CHD2: variants seen among roughly 807,000 people sequenced by gnomAD.
CHD2 encodes the protein ATP-dependent chromatin remodeler CHD2.
Under a neutral mutation model 243.9 loss-of-function variants are expected in CHD2, and 28 were observed. The observed-to-expected ratio is 0.11, with a 90% CI of 0.09 to 0.16. The LOEUF is 0.16. CHD2 is among the 10% of genes least tolerant of loss of function. The probability of loss-of-function intolerance (pLI) is 1.00; values close to 1 mark genes in which losing one functional copy is unlikely to be tolerated. For missense variants in CHD2, 1,386 were observed against 2,209.8 expected (o/e 0.63, Z 7.47); for synonymous variants, 775 against 779.0 (o/e 0.99, Z 0.09).
intron 13 of CHD2, among the ~76,000 whole-genome samples, chr15:92,951,718 A>C (rs2053556703): frequency 6.6e-6 from 1 of 152,188 alleles, no homozygotes; most frequent in Non-Finnish European, 1.5e-5. Context: ...AAAGTGAGGG[A>C]AATAAGAAGG....
rs145021164 is a variant in CHD2 at position 93,025,614 on chromosome 15, C to G, written c.*909C>G. On this transcript the variant is annotated 3_prime_UTR_variant, in exon 39 of 39. Coordinates refer to ENST00000394196, the MANE Select transcript of CHD2 (RefSeq NM_001271.4). Reference sequence around the variant, plus strand: ...TGGAATCCCTGGTGGATTTCTGATTCCTGTGGTGAGAAGGAAAGCTACAGG... The same window carrying G: ...TGGAATCCCTGGTGGATTTCTGATTGCTGTGGTGAGAAGGAAAGCTACAGG... The G allele has an allele frequency of 1.0e-4, 16 of 152,532 alleles. No individual in the cohort carries two copies. The highest frequency in any genetic ancestry group is 3.1e-4 in the African/African-American group (13 of 41,502). The allele number at this position is 152,532 out of a possible 1,614,324, so 9.4% of individuals were successfully genotyped here.
chr15:92,971,068 A>T (rs2053834655), intron 17 of CHD2, among the ~76,000 whole-genome samples: 1 of 152,190 alleles, frequency 6.6e-6, no homozygotes, highest in Non-Finnish European at 1.5e-5. Context: ...TGGTATATTT[A>T]CATTTATTTA....
intron 6 of CHD2, 121 bp from the exon 7 acceptor site, chr15:92,939,457 T>A (rs1411650388): frequency 1.9e-6 from 2 of 1,067,240 alleles, no homozygotes; most frequent in Non-Finnish European, 2.6e-6. Context: ...ATGTTTAACA[T>A]TCCCCAAGTG....
chr15:92,965,273 T>C (rs1222482669), intron 16 of CHD2: 1 of 152,034 alleles, frequency 6.6e-6, no homozygotes, highest in Non-Finnish European at 1.5e-5. Context: ...AATCTGATAG[T>C]ATGCCGGGCG....
chr15:92,919,397 C>CTT (rs879772529), intron 2 of CHD2, among the ~76,000 whole-genome samples: 1 of 145,730 alleles, frequency 6.9e-6, no homozygotes, highest in African/African-American at 2.5e-5. Flanking sequence ...TTTAAAAACA[C>CTT]TTTTTTTTTT....
At chr15:92,904,636 A>G (rs1213919795) in intron 2 of CHD2, 1 of 1,242,870 alleles carries the variant, frequency 8.0e-7, no homozygotes, top group Non-Finnish European at 1.0e-6. Flanking sequence ...GGAATGGTTT[A>G]TCCTCTTTGA....
intron 16 of CHD2, among the ~76,000 whole-genome samples, chr15:92,964,357 A>C (rs2053728163): frequency 6.6e-6 from 1 of 152,206 alleles, no homozygotes; most frequent in Non-Finnish European, 1.5e-5. Context: ...ATTTGCCCTT[A>C]TTTCTGCCTG....
At position 92,955,455 on chromosome 15, in the gene CHD2, C is replaced by G; in HGVS notation, c.1752C>G (p.Thr584=). The G allele has an allele frequency of 6.3e-7, 1 of 1,595,904 alleles. No homozygotes were observed. The highest frequency in any genetic ancestry group is 1.1e-5 in the South Asian group (1 of 87,504). ...AATATGAATGGATTCATTCCCAAACCAAAAGATTGAAGTTCAACGCACTTA... is the reference window on the plus strand; with the variant it reads ...AATATGAATGGATTCATTCCCAAACGAAAAGATTGAAGTTCAACGCACTTA... ...IREYEWIHSQ[T]KRLKFNALIT... Residue 584 remains threonine, a synonymous_variant, in exon 15 of 39, where the codon ACC becomes ACG. Transcript: ENST00000394196.
At chr15:92,979,733 G>A (rs1054588706) in intron 22 of CHD2, among the ~76,000 whole-genome samples, 2 of 151,638 alleles carry the variant, frequency 1.3e-5, no homozygotes, top group Non-Finnish European at 2.9e-5. Context: ...AATTGGCTTT[G>A]GGAAGAGGCA....
intron 5 of CHD2, among the ~76,000 whole-genome samples, chr15:92,929,842 C>G (rs929019318): frequency 1.3e-5 from 2 of 151,964 alleles, no homozygotes; most frequent in Admixed American, 6.6e-5. Flanking sequence ...TACATATGCT[C>G]TGTTGTAAAA....
At chr15:92,961,195 A>G (rs183565870) in intron 16 of CHD2, among the ~76,000 whole-genome samples, 1 of 152,312 alleles carries the variant, frequency 6.6e-6, no homozygotes, top group Non-Finnish European at 1.5e-5. Flanking sequence ...AATATTTACT[A>G]GAATTCACCA....
At chr15:93,002,338 A>C in intron 33 of CHD2, 21 bp downstream of exon 33, 8 of 1,585,126 alleles carry the variant, frequency 5.0e-6, no homozygotes, top group Non-Finnish European at 6.8e-6. Context: ...CCTTCTGTTC[A>C]TGCAGATATC....
At position 92,900,656 on chromosome 15, in the gene CHD2, T is replaced by C. The variant is rs1165106803; in HGVS notation, c.-240T>C. On this transcript the variant is annotated 5_prime_UTR_variant, in exon 1 of 39. Coordinates refer to ENST00000394196, the MANE Select transcript of CHD2 (RefSeq NM_001271.4). The stretch of plus-strand genomic sequence containing the variant: ...GGTTTTTTTTCTTTCGGACCTGTTT[T>C]AGTATTAATTATTGCTTTATTTTTT... 2.5e-6 allele frequency: 1 copy of C among 398,604 alleles called. No homozygotes were observed. Among genetic ancestry groups the C allele is most frequent in the Non-Finnish European group, 4.4e-6 (1 of 226,164 alleles). 24.7% of individuals were successfully genotyped at this position (398,604 alleles called of 1,614,324 possible).
chr15:92,980,807 T>G lies in CHD2; in HGVS notation c.2877-8T>G. 1 of 1,604,728 alleles carries G rather than the reference T, an allele frequency of 6.2e-7. No individual in the cohort carries two copies. Among genetic ancestry groups the G allele is most frequent in the South Asian group, 1.1e-5 (1 of 90,322 alleles). On this transcript the variant is annotated splice_region_variant and splice_polypyrimidine_tract_variant and intron_variant, in intron 22 of 38. Transcript: ENST00000394196. ...GATGTTTCTAACAACTACATTTTAC[T>G]TCCACAGCTCAAATCCTTTTAATAA...
chr15:92,979,878 A>G (rs2053955026), intron 22 of CHD2, among the ~76,000 whole-genome samples: 1 of 151,866 alleles, frequency 6.6e-6, no homozygotes, highest in South Asian at 2.1e-4. Context: ...AGATTGTGCC[A>G]CTGCAGTCCA....
chr15:92,904,376 G>T, intron 2 of CHD2: 3 of 911,848 alleles, frequency 3.3e-6, no homozygotes, highest in Non-Finnish European at 3.9e-6. Flanking sequence ...GGCAGCCTCC[G>T]CCCCGTGACG....
In CHD2 at chr15:93,004,515, A is replaced by T. The variant is rs74029216; in HGVS notation, c.4279-102A>T. The stretch of plus-strand genomic sequence containing the variant: ...ACTTTTTAAAAAATAAACTGAGACC[A>T]TCATATTTACCCATTTTAATAACAC... On this transcript the variant is annotated intron_variant, in intron 33 of 38. Transcript: ENST00000394196. 7.3e-4 allele frequency: 802 copies of T among 1,104,726 alleles called. 6 individuals are homozygous for T. The African/African-American group carries it at 0.012, about 16-fold the overall frequency. The allele number at this position is 1,104,726 out of a possible 1,614,324, so 68.4% of individuals were successfully genotyped here.
chr15:92,945,900 A>G (rs745782311), intron 11 of CHD2, 35 bp downstream of exon 11: 3 of 1,524,014 alleles, frequency 2.0e-6, no homozygotes, highest in Non-Finnish European at 2.7e-6. Flanking sequence ...ATGTTCTTCA[A>G]CATTTCAGAA....
chr15:92,944,201 A>T (rs961394024), intron 9 of CHD2: 2 of 360,004 alleles, frequency 5.6e-6, no homozygotes, highest in Non-Finnish European at 1.0e-5. Flanking sequence ...ATATCCTTCT[A>T]TGAGTGTAAG....
Sources: gnomAD v4.1 joint callset for allele counts (sites outside exome capture counted in the v4.1 genomes callset) on GRCh38, gnomAD v4.1.1 for gene constraint, MANE v1.5 for transcripts, NCBI Gene and HGNC (gene_info 2026-07-23, HGNC 2026-07-21) for gene names.